The following UPRT variants were observed in gnomAD, a reference collection of about 807,000 sequenced individuals.
The protein encoded by UPRT is RP11-311P8.3.
In UPRT, 5 loss-of-function variants were observed where a neutral mutation model predicts 22.6. That is an observed-to-expected ratio of 0.22 (90% CI 0.12 to 0.47). The LOEUF is 0.47. UPRT is among the 20% of genes least tolerant of loss of function. The pLI, the probability that UPRT is intolerant of heterozygous loss-of-function variation, is 0.99. For synonymous variants in UPRT, 77 were observed against 87.7 expected (o/e 0.88, Z 0.68); for missense variants, 181 against 239.9 (o/e 0.75, Z 1.62).
At chrX:75,231,989 G>T (rs758263198) in intron 4 of UPRT, among the ~76,000 whole-genome samples, 2 of 111,979 alleles carry the variant, frequency 1.8e-5, no homozygotes, top group African/African-American at 6.5e-5. Context: ...CATGAGCGAC[G>T]CAGAAGCCGG....
At chrX:75,204,606 G>T (rs972328943) in intron 4 of UPRT, among the ~76,000 whole-genome samples, 1 of 112,128 alleles carries the variant, frequency 8.9e-6, no homozygotes, top group African/African-American at 3.2e-5. Flanking sequence ...ATGTTGGTGG[G>T]GGTGGAGGTG....
intron 4 of UPRT, among the ~76,000 whole-genome samples, chrX:75,230,578 AC>A (rs745823721): frequency 8.2e-4 from 92 of 111,708 alleles, no homozygotes; most frequent in African/African-American, 2.9e-3. Flanking sequence ...CACTTGCAAC[AC>A]CCTGGCTAGT....
intron 4 of UPRT, among the ~76,000 whole-genome samples, chrX:75,259,475 A>G (rs1478628599): frequency 9.3e-6 from 1 of 107,901 alleles, no homozygotes; most frequent in African/African-American, 3.4e-5. Context: ...ACGAGTATCA[A>G]CAGCTGAATC....
At chrX:75,185,576 G>T (rs770512497) in intron 4 of UPRT, among the ~76,000 whole-genome samples, 1 of 111,934 alleles carries the variant, frequency 8.9e-6, no homozygotes, top group Non-Finnish European at 1.9e-5. Flanking sequence ...CTATTGATTG[G>T]AATAGTTTCA....
intron 3 of UPRT, among the ~76,000 whole-genome samples, chrX:75,163,626 G>A (rs1374707750): frequency 8.9e-6 from 1 of 112,026 alleles, no homozygotes; most frequent in Non-Finnish European, 1.9e-5. Context: ...ACAAAAGCCT[G>A]AACATGAATG....
chrX:75,297,250 T>C (rs1049411011), intron 3 of UPRT, among the ~76,000 whole-genome samples: 1 of 111,876 alleles, frequency 8.9e-6, no homozygotes, highest in African/African-American at 3.2e-5. Flanking sequence ...TAATAAGTCC[T>C]ATTCCCATTC....
rs766145540 is a variant in UPRT at position 75,178,723 on chromosome X, C to G, written c.-447+10844C>G. On this transcript the variant is annotated intron_variant, in intron 4 of 13. Coordinates refer to the UPRT transcript ENST00000652605. ...CCGGTGGGCTCGTGGTCTCTCTGGG[C>G]TCAGGAGTGAAGCTGCAGATCTTTG... Among the ~76,000 whole-genome samples, 7 of 110,613 alleles carry G rather than the reference C, an allele frequency of 6.3e-5. No individual in the cohort carries two copies. The South Asian group carries it at 2.8e-3, about 45-fold the overall frequency.
chrX:75,250,918 A>G (rs2082527221), intron 4 of UPRT, among the ~76,000 whole-genome samples: 1 of 112,028 alleles, frequency 8.9e-6, no homozygotes, highest in East Asian at 2.8e-4. Flanking sequence ...TATGCAAATC[A>G]ATAAACGTAA....
At chrX:75,217,145 A>G (rs899562735) in intron 4 of UPRT, among the ~76,000 whole-genome samples, 4 of 111,677 alleles carry the variant, frequency 3.6e-5, no homozygotes, top group Non-Finnish European at 7.5e-5. Context: ...TTTTAGGGAC[A>G]TTGTTGTAGT....
intron 4 of UPRT, among the ~76,000 whole-genome samples, chrX:75,187,887 C>T (rs1210205049): frequency 5.4e-5 from 6 of 112,052 alleles, no homozygotes; most frequent in African/African-American, 1.9e-4. Context: ...CTCCTTTAAG[C>T]ACTTCTCTGT....
intron 4 of UPRT, among the ~76,000 whole-genome samples, chrX:75,249,592 C>T (rs2147659720): frequency 9.0e-6 from 1 of 111,265 alleles, no homozygotes; most frequent in East Asian, 2.8e-4. Flanking sequence ...GAGACTTAGA[C>T]TCCCACACAA....
chrX:75,169,840 C>T (rs1287428310), intron 4 of UPRT, among the ~76,000 whole-genome samples: 1 of 111,288 alleles, frequency 9.0e-6, no homozygotes, highest in African/African-American at 3.3e-5. Context: ...GACTTTCTGT[C>T]TTGATGACCT....
intron 4 of UPRT, among the ~76,000 whole-genome samples, chrX:75,234,400 AC>A (rs1463561787): frequency 6.3e-5 from 7 of 111,102 alleles, no homozygotes; most frequent in Admixed American, 5.8e-4. Context: ...CAACAAGGAT[AC>A]CCAGGAATTG....
Position 75,250,660 on chromosome X carries a change from G to A in UPRT, c.-446-40364G>A, listed in dbSNP as rs756225083. On this transcript the variant is annotated intron_variant, in intron 4 of 13. Coordinates refer to the UPRT transcript ENST00000652605. ...AGGAGGAGCTGGTACCATTCCTTCT[G>A]AAACTATTCCAATCAATAGAAAAAG... Among the ~76,000 whole-genome samples, 47 of 111,323 alleles carry A rather than the reference G, an allele frequency of 4.2e-4. No individual in the cohort carries two copies. The South Asian group carries it at 0.011, about 26-fold the overall frequency.
Position 75,304,214 on chromosome X carries a change from G to A in UPRT, c.*703G>A, listed in dbSNP as rs776782677. 9.0e-6 allele frequency: 1 copy of A among 111,408 alleles called. No individual in the cohort carries two copies. The highest frequency in any genetic ancestry group is 2.8e-4 in the East Asian group (1 of 3,533). 9.2% of individuals were successfully genotyped at this position (111,408 alleles called of 1,213,427 possible). A position where few individuals can be genotyped will look rare whatever the true frequency, so the allele number is the denominator to read the frequency against. The stretch of plus-strand genomic sequence containing the variant: ...TTACAAGATTGAACCGGGGATGTCT[G>A]GATGCTGACAAGGGAGAGCCAAGTA... On this transcript the variant is annotated 3_prime_UTR_variant, in exon 7 of 7. Transcript: ENST00000373383.
At chrX:75,281,081 G>A (rs1330332226) in intron 1 of UPRT, among the ~76,000 whole-genome samples, 2 of 111,108 alleles carry the variant, frequency 1.8e-5, no homozygotes, top group Non-Finnish European at 3.8e-5. Context: ...TACTGTTTGT[G>A]TATAGAAGAG....
chrX:75,287,109 TCA>T (rs759684655), intron 1 of UPRT, among the ~76,000 whole-genome samples: 6 of 110,434 alleles, frequency 5.4e-5, no homozygotes, highest in African/African-American at 9.8e-5. Flanking sequence ...TATATATATG[TCA>T]CACACACACA....
intron 4 of UPRT, among the ~76,000 whole-genome samples, chrX:75,246,144 GT>G (rs2082505232): frequency 9.2e-6 from 1 of 109,025 alleles, no homozygotes; most frequent in South Asian, 4.1e-4. Flanking sequence ...TAGGGTACAT[GT>G]CCACAATGTG....
intron 4 of UPRT, among the ~76,000 whole-genome samples, chrX:75,212,305 G>T (rs181560523): frequency 3.5e-3 from 394 of 112,051 alleles, no homozygotes; most frequent in Admixed American, 6.4e-3. Context: ...CTCAGCTAAT[G>T]CAAAGGAACT....
Sources: gnomAD v4.1 joint callset for allele counts (sites outside exome capture counted in the v4.1 genomes callset) on GRCh38, gnomAD v4.1.1 for gene constraint, MANE v1.5 for transcripts, NCBI Gene and HGNC (gene_info 2026-07-23, HGNC 2026-07-21) for gene names.